SRSF11: variants seen among roughly 807,000 people sequenced by gnomAD.
The protein encoded by SRSF11 is serine/arginine-rich splicing factor 11.
In SRSF11, 9 loss-of-function variants were observed where a neutral mutation model predicts 56.0. That is an observed-to-expected ratio of 0.16 (90% CI 0.10 to 0.28). The LOEUF is 0.28. Ranked by LOEUF, SRSF11 falls within the 10% of genes least tolerant of loss-of-function variation. The pLI is 1.00. For missense variants in SRSF11, 421 were observed against 600.7 expected (o/e 0.70, Z 3.13); for synonymous variants, 222 against 215.3 (o/e 1.03, Z -0.27).
At position 70,228,501 on chromosome 1, in the gene SRSF11, C is replaced by T; in HGVS notation, c.283C>T (p.Leu95=). The change falls in exon 2 of 12, where the codon CTG becomes TTG. Residue 95 remains leucine, a synonymous_variant. Coordinates refer to ENST00000370949, the MANE Select transcript of SRSF11 (RefSeq NM_001350605.2). ...DPDSAVVAQH[L]TNTVFVDRAL... is the part of the protein sequence containing the mutation. The stretch of plus-strand genomic sequence containing the variant: ...AGACTCAGCAGTTGTGGCACAGCAT[C>T]TGACAAACACTGTATTCGTTGACAG... 6.2e-7 allele frequency: 1 copy of T among 1,613,802 alleles called. No individual in the cohort carries two copies. The highest frequency in any genetic ancestry group is 8.5e-7 in the Non-Finnish European group (1 of 1,179,826).
At chr1:70,243,337 A>C (rs886946595) in intron 7 of SRSF11, among the ~76,000 whole-genome samples, 1 of 5,150 alleles carries the variant, frequency 1.9e-4, no homozygotes, top group Admixed American at 2.8e-3. Context: ...GGTTGGTGGC[A>C]AAAAAAAAAA....
chr1:70,240,801 G>T (rs1299019381), intron 7 of SRSF11, among the ~76,000 whole-genome samples: 1 of 140,096 alleles, frequency 7.1e-6, no homozygotes, highest in African/African-American at 2.7e-5. Context: ...TTGAGACGGA[G>T]TCTCACTCTT....
At chr1:70,220,214 G>A (rs924417163), upstream of SRSF11, among the ~76,000 whole-genome samples, 6 of 152,202 alleles carry the variant, frequency 3.9e-5, no homozygotes, top group African/African-American at 1.4e-4. Flanking sequence ...CTAACAGCTT[G>A]CAGAAGTCAT....
In SRSF11 at chr1:70,233,076, A is replaced by G. The variant is rs192831704; in HGVS notation, c.447+699A>G. ...TTGACTAATTGACTCTTAACTGTGAAGTGCACTATAGAATGAAAGATTAGG... is the reference window on the plus strand; with the variant it reads ...TTGACTAATTGACTCTTAACTGTGAGGTGCACTATAGAATGAAAGATTAGG... On this transcript the variant is annotated intron_variant, in intron 3 of 11. Transcript: ENST00000370949. Among the ~76,000 whole-genome samples the G allele has an allele frequency of 1.3e-3, 191 of 152,302 alleles. 1 individual carries two copies. Among genetic ancestry groups the G allele is most frequent in the Non-Finnish European group, 2.2e-3 (152 of 68,028 alleles).
At chr1:70,247,724 A>G (rs1238415578) in intron 9 of SRSF11, among the ~76,000 whole-genome samples, 2 of 152,124 alleles carry the variant, frequency 1.3e-5, no homozygotes, top group Non-Finnish European at 1.5e-5. Context: ...AAGTTAAAAC[A>G]TTTGTATTTC....
intron 2 of SRSF11, chr1:70,230,546 C>T: frequency 1.6e-6 from 2 of 1,271,126 alleles, no homozygotes; most frequent in Non-Finnish European, 2.0e-6. Flanking sequence ...CATTTCTACA[C>T]ATTCATGCAG....
In SRSF11 at chr1:70,230,288, T is replaced by A. The variant is rs1483912898; in HGVS notation, c.337+1733T>A. 4 of 998,860 alleles carry A rather than the reference T, an allele frequency of 4.0e-6. No homozygotes were observed. In the East Asian group the frequency reaches 4.4e-4, roughly 109 times the overall value. The allele number at this position is 998,860 out of a possible 1,614,324, so 61.9% of individuals were successfully genotyped here. On this transcript the variant is annotated intron_variant, in intron 2 of 11. Transcript: ENST00000370949. ...GAATTCTATTGTTGGTGAATTTAAT[T>A]CTGGTATGATATGCTGTATTAATGT...
At position 70,251,455 on chromosome 1, in the gene SRSF11, A is replaced by G. The variant is rs189466634; in HGVS notation, c.*650A>G. On this transcript the variant is annotated 3_prime_UTR_variant, in exon 12 of 12. Coordinates refer to ENST00000370949, the MANE Select transcript of SRSF11 (RefSeq NM_001350605.2). ...GTTTAAATACAGAAACAAGATTTCA[A>G]ATAAAACTGTCTTTGGCAGTGAGTA... is the stretch of plus-strand genomic sequence containing the variant. 2.0e-3 allele frequency: 312 copies of G among 152,734 alleles called. 2 individuals are homozygous for G. Among genetic ancestry groups the G allele is most frequent in the Non-Finnish European group, 7.8e-4 (53 of 68,010 alleles). 9.5% of individuals were successfully genotyped at this position (152,734 alleles called of 1,614,324 possible).
chr1:70,244,349 A>G (rs997202526), intron 7 of SRSF11, among the ~76,000 whole-genome samples: 1 of 152,212 alleles, frequency 6.6e-6, no homozygotes, highest in East Asian at 1.9e-4. Context: ...ATATAATTGT[A>G]TAAGATGATG....
At chr1:70,226,989 GT>G (rs935339035) in intron 1 of SRSF11, among the ~76,000 whole-genome samples, 18 of 152,284 alleles carry the variant, frequency 1.2e-4, no homozygotes, top group African/African-American at 4.1e-4. Flanking sequence ...TAACTTGCTT[GT>G]GGATATCCTG....
At chr1:70,245,862 C>T (rs1188194236) in intron 8 of SRSF11, among the ~76,000 whole-genome samples, 1 of 152,098 alleles carries the variant, frequency 6.6e-6, no homozygotes, top group East Asian at 1.9e-4. Context: ...TTAATATTTT[C>T]AGGTTTGTAC....
intron 2 of SRSF11, chr1:70,230,396 CAT>C: frequency 2.7e-6 from 3 of 1,120,104 alleles, no homozygotes; most frequent in Non-Finnish European, 3.3e-6. Context: ...GAACAGTAGA[CAT>C]AGTCTACGGT....
In SRSF11 at chr1:70,249,937, C is replaced by CA; in HGVS notation, c.1023-14dup. ...ACTGTATTTTAAAACCTAGTTTGCACATTTGTGATTCTAGAGAGAGACGAC... is the reference window on the plus strand; with the variant it reads ...ACTGTATTTTAAAACCTAGTTTGCACAATTTGTGATTCTAGAGAGAGACGAC... On this transcript the variant is annotated splice_polypyrimidine_tract_variant and intron_variant, in intron 9 of 11. Coordinates refer to ENST00000370949, the MANE Select transcript of SRSF11 (RefSeq NM_001350605.2). The CA allele has an allele frequency of 6.2e-7, 1 of 1,613,438 alleles. No individual in the cohort carries two copies. The highest frequency in any genetic ancestry group is 1.7e-5 in the Admixed American group (1 of 60,004).
Position 70,221,674 on chromosome 1 carries a change from C to T in SRSF11, c.38C>T (p.Pro13Leu), listed in dbSNP as rs1294908503. The change falls in exon 1 of 12, where the codon CCG (proline) becomes CTG (leucine). Residue 13 changes from proline to leucine, a missense_variant. Pro to Leu is a moderately conservative substitution (Grantham distance 98). Coordinates refer to ENST00000370949, the MANE Select transcript of SRSF11 (RefSeq NM_001350605.2). ...ACCGTCGTCCCCAGCACTGCAGGTC[C>T]GGGCCCCAGCGGCGGGCCCGGTGGC... Reference protein sequence around the residue: ...NTTVVPSTAGPGPSGGPGGGG... With the variant: ...NTTVVPSTAGLGPSGGPGGGG... The T allele has an allele frequency of 2.5e-6, 4 of 1,612,774 alleles. No individual in the cohort carries two copies. Among genetic ancestry groups the T allele is most frequent in the Non-Finnish European group, 3.4e-6 (4 of 1,179,262 alleles).
intron 1 of SRSF11, among the ~76,000 whole-genome samples, chr1:70,209,740 C>CTTTTT (rs923729248): frequency 0.039 from 1,072 of 27,492 alleles, 362 homozygotes; most frequent in Middle Eastern, 0.075. Context: ...CACCTCGCTT[C>CTTTTT]TTTTTTTTTT....
In SRSF11 at chr1:70,250,555, C is replaced by A. The variant is rs1571976210; in HGVS notation, c.1257+52C>A. 3 of 1,608,684 alleles carry A rather than the reference C, an allele frequency of 1.9e-6. No homozygotes were observed. The East Asian group carries it at 6.7e-5, about 36-fold the overall frequency. ...ATATTTGGGGTGATGTTGGTACTTT[C>A]AGAAGTTATTTTTCTTTGGAGAAGT... On this transcript the variant is annotated intron_variant, in intron 11 of 11. Transcript: ENST00000370949.
intron 1 of SRSF11, among the ~76,000 whole-genome samples, chr1:70,216,064 G>A (rs1669972427): frequency 6.6e-6 from 1 of 152,168 alleles, no homozygotes; most frequent in South Asian, 2.1e-4. Flanking sequence ...GGGATTACAG[G>A]CGTGAGCCAC....
chr1:70,249,769 A>G, intron 9 of SRSF11, 183 bp from the exon 10 acceptor site: 3 of 572,748 alleles, frequency 5.2e-6, no homozygotes, highest in Non-Finnish European at 6.3e-6. Flanking sequence ...CATGTTGCCC[A>G]GGCTGGTCTG....
chr1:70,244,639 T>G (rs775309277), intron 7 of SRSF11, 45 bp from the exon 8 acceptor site: 1 of 1,578,700 alleles, frequency 6.3e-7, no homozygotes, highest in East Asian at 2.3e-5. Context: ...ATTTATAGTC[T>G]TTTTACATTT....
Sources: allele counts gnomAD v4.1 joint callset (sites outside exome capture counted in the v4.1 genomes callset), GRCh38; gene constraint gnomAD v4.1.1; transcripts MANE v1.5; gene names NCBI Gene and HGNC (gene_info 2026-07-23, HGNC 2026-07-21).